NAALADL2: variants seen among roughly 807,000 people sequenced by gnomAD.
NAALADL2 encodes N-acetylated alpha-linked acidic dipeptidase like 2.
Under a neutral mutation model 87.2 loss-of-function variants are expected in NAALADL2, and 76 were observed. The ratio of observed to expected loss-of-function variants is 0.87; its 90% confidence interval spans 0.72 to 1.05. NAALADL2 has a LOEUF of 1.05. NAALADL2 is among the 50% of genes least tolerant of loss of function. The probability of loss-of-function intolerance (pLI) is 0.00; values close to 1 mark genes in which losing one functional copy is unlikely to be tolerated. For synonymous variants in NAALADL2, 354 were observed against 331.0 expected, an observed-to-expected ratio of 1.07 and a Z score of -0.75; for missense variants, 1,089 against 945.8, an observed-to-expected ratio of 1.15 and a Z score of -1.99.
chr3:175,763,637 T>C (rs1253753231), intron 13 of NAALADL2, among the ~76,000 whole-genome samples: 1 of 152,276 alleles, frequency 6.6e-6, no homozygotes, highest in South Asian at 2.1e-4. Context: ...TCAAAACTGC[T>C]CCACACAAAA....
At chr3:175,485,373 A>C (rs1004898780) in intron 9 of NAALADL2, among the ~76,000 whole-genome samples, 1 of 152,142 alleles carries the variant, frequency 6.6e-6, no homozygotes, top group Non-Finnish European at 1.5e-5. Context: ...AAGGGAGTTT[A>C]TTAAGGAGAA....
intron 2 of NAALADL2, among the ~76,000 whole-genome samples, chr3:175,165,119 T>A (rs1278668396): frequency 1.3e-5 from 2 of 152,126 alleles, no homozygotes; most frequent in Non-Finnish European, 2.9e-5. Flanking sequence ...ATTACTCAAT[T>A]CATGCATTCT....
chr3:175,620,074 GAA>G (rs34788490), intron 10 of NAALADL2, among the ~76,000 whole-genome samples: 3 of 147,652 alleles, frequency 2.0e-5, no homozygotes. Context: ...TCTCTTTTTG[GAA>G]AAAAAAAAAA....
chr3:174,834,456 A>G (rs1020982550), intron 3 of NAALADL2, among the ~76,000 whole-genome samples: 1 of 151,790 alleles, frequency 6.6e-6, no homozygotes, highest in Admixed American at 6.6e-5. Flanking sequence ...CTAGCATTGT[A>G]ATAAAGGAAG....
intron 13 of NAALADL2, among the ~76,000 whole-genome samples, chr3:175,780,404 A>C (rs1750887159): frequency 6.6e-6 from 1 of 152,190 alleles, no homozygotes; most frequent in Admixed American, 6.5e-5. Flanking sequence ...ACATATGCAA[A>C]TTTGCATATA....
intron 9 of NAALADL2, among the ~76,000 whole-genome samples, chr3:175,500,702 CTAT>C (rs1729421339): frequency 6.6e-6 from 1 of 151,846 alleles, no homozygotes. Flanking sequence ...GATATGGGTG[CTAT>C]TATTATCTCC....
At chr3:174,490,750 A>C (rs1485973933) in intron 1 of NAALADL2, among the ~76,000 whole-genome samples, 1 of 152,074 alleles carries the variant, frequency 6.6e-6, no homozygotes, top group African/African-American at 2.4e-5. Context: ...CTTTCTATTC[A>C]AAGAGCGCTC....
intron 2 of NAALADL2, among the ~76,000 whole-genome samples, chr3:174,597,786 C>T (rs1262832818): frequency 6.6e-6 from 1 of 152,108 alleles, no homozygotes; most frequent in Non-Finnish European, 1.5e-5. Context: ...GTGAGCTATT[C>T]ACCCACTTAT....
chr3:175,558,247 GTCTTTTGCCATTTTTAAAATCAGGT>G (rs1227035389), intron 9 of NAALADL2, among the ~76,000 whole-genome samples: 4 of 151,012 alleles, frequency 2.6e-5, no homozygotes, highest in Non-Finnish European at 5.9e-5. Context: ...GTCTAATCAG[GTCTTTTGCCATTTTTAAAATCAGGT>G]TATTAGATTT....
intron 2 of NAALADL2, among the ~76,000 whole-genome samples, chr3:174,620,142 C>T (rs1720856646): frequency 6.6e-6 from 1 of 152,020 alleles, no homozygotes; most frequent in Non-Finnish European, 1.5e-5. Flanking sequence ...TATTCATGGC[C>T]ATCCTCTTTC....
chr3:174,802,141 TAAAC>T (rs962651630), intron 3 of NAALADL2, among the ~76,000 whole-genome samples: 2 of 152,012 alleles, frequency 1.3e-5, no homozygotes, highest in African/African-American at 4.8e-5. Context: ...AACAATATAT[TAAAC>T]AATATTTATA....
chr3:175,386,323 T>TTTTC (rs1270654259), intron 5 of NAALADL2, among the ~76,000 whole-genome samples: 2 of 152,148 alleles, frequency 1.3e-5, no homozygotes, highest in East Asian at 3.9e-4. Context: ...TTTTTCACAG[T>TTTTC]ACAGTTGTTG....
intron 3 of NAALADL2, among the ~76,000 whole-genome samples, chr3:174,822,995 C>T (rs1721594866): frequency 6.6e-6 from 1 of 152,142 alleles, no homozygotes; most frequent in Non-Finnish European, 1.5e-5. Context: ...TTCCTCTGTC[C>T]ATATCTTTTC....
chr3:174,720,707 G>C (rs1731635902), intron 2 of NAALADL2, among the ~76,000 whole-genome samples: 1 of 152,192 alleles, frequency 6.6e-6, no homozygotes, highest in Admixed American at 6.5e-5. Context: ...GACAGCTGTT[G>C]TTCCTTAATT....
intron 2 of NAALADL2, among the ~76,000 whole-genome samples, chr3:174,557,439 A>G (rs937591756): frequency 6.6e-6 from 1 of 152,168 alleles, no homozygotes; most frequent in Non-Finnish European, 1.5e-5. Context: ...TATTAATATC[A>G]TAAATATCTG....
At chr3:175,762,486 G>A (rs1403944507) in intron 13 of NAALADL2, among the ~76,000 whole-genome samples, 4 of 152,036 alleles carry the variant, frequency 2.6e-5, no homozygotes, top group African/African-American at 9.7e-5. Flanking sequence ...TAGCATCTCT[G>A]AGCATCAGTT....
At chr3:175,796,717 T>C (rs560705659) in intron 13 of NAALADL2, among the ~76,000 whole-genome samples, 10 of 152,202 alleles carry the variant, frequency 6.6e-5, no homozygotes, top group Non-Finnish European at 1.5e-4. Context: ...ACCCAGTCAG[T>C]TTTGAAAGAC....
intron 11 of NAALADL2, among the ~76,000 whole-genome samples, chr3:175,631,852 A>G (rs1011232997): frequency 2.0e-5 from 3 of 152,030 alleles, no homozygotes; most frequent in Non-Finnish European, 4.4e-5. Flanking sequence ...TTATGTTTCT[A>G]AAGTTTCAAC....
At chr3:175,137,279 A>T (rs1729249361) in intron 2 of NAALADL2, among the ~76,000 whole-genome samples, 1 of 152,102 alleles carries the variant, frequency 6.6e-6, no homozygotes, top group African/African-American at 2.4e-5. Context: ...AGGATGTATA[A>T]TTTTTTTAAA....
Sources: gnomAD v4.1 joint callset for allele counts (sites outside exome capture counted in the v4.1 genomes callset) on GRCh38, gnomAD v4.1.1 for gene constraint, MANE v1.5 for transcripts, NCBI Gene and HGNC (gene_info 2026-07-23, HGNC 2026-07-21) for gene names.